CUL4B: variants seen among roughly 807,000 people sequenced by gnomAD.
The protein encoded by CUL4B is cullin 4B.
Under a neutral mutation model 69.2 loss-of-function variants are expected in CUL4B, and 1 was observed. That is an observed-to-expected ratio of 0.01 (90% CI 0.01 to 0.07). The LOEUF is 0.07. Among genes scored for constraint, CUL4B ranks in the 10% least tolerant of loss-of-function variants. The probability of loss-of-function intolerance (pLI) is 1.00; values close to 1 mark genes in which losing one functional copy is unlikely to be tolerated. For missense variants in CUL4B, 328 were observed against 638.8 expected, an observed-to-expected ratio of 0.51 and a Z score of 5.24; for synonymous variants, 237 against 223.2, an observed-to-expected ratio of 1.06 and a Z score of -0.55.
At chrX:120,533,083 T>C (rs946599584) in intron 17 of CUL4B, among the ~76,000 whole-genome samples, 4 of 112,510 alleles carry the variant, frequency 3.6e-5, no homozygotes, top group African/African-American at 9.7e-5. Flanking sequence ...CTCTTTCCAA[T>C]TGTCAGTGGT....
intron 2 of CUL4B, among the ~76,000 whole-genome samples, chrX:120,551,153 C>T (rs1244677753): frequency 9.0e-6 from 1 of 111,523 alleles, no homozygotes; most frequent in Non-Finnish European, 1.9e-5. Context: ...TACTTTTTAG[C>T]ATGGTGTTCA....
chrX:120,543,510 A>G (rs1350956644), intron 8 of CUL4B, among the ~76,000 whole-genome samples: 3 of 108,957 alleles, frequency 2.8e-5, no homozygotes, highest in Non-Finnish European at 5.7e-5. Flanking sequence ...ACACACACAC[A>G]CACACACACA....
chrX:120,538,334 A>T, intron 13 of CUL4B, 125 bp from the exon 14 acceptor site: 1 of 475,664 alleles, frequency 2.1e-6, no homozygotes, highest in South Asian at 3.5e-5. Context: ...ATAAGAATAA[A>T]AAGAAATCCT....
At chrX:120,552,329 G>T (rs1924738612) in intron 2 of CUL4B, among the ~76,000 whole-genome samples, 1 of 112,191 alleles carries the variant, frequency 8.9e-6, no homozygotes, top group African/African-American at 3.2e-5. Context: ...TGTATTTTTG[G>T]TAGAGACTGG....
At chrX:120,554,235 T>C (rs1487457259) in intron 2 of CUL4B, among the ~76,000 whole-genome samples, 2 of 112,245 alleles carry the variant, frequency 1.8e-5, no homozygotes, top group Non-Finnish European at 3.8e-5. Flanking sequence ...AACCCTACCA[T>C]ATAGGTAGCC....
At chrX:120,536,005 TA>T in intron 15 of CUL4B, 62 bp from the exon 16 acceptor site, 1 of 801,590 alleles carries the variant, frequency 1.2e-6, no homozygotes, top group East Asian at 3.2e-5. Context: ...TTACCATTTT[TA>T]TACTTACCTC....
intron 2 of CUL4B, among the ~76,000 whole-genome samples, chrX:120,553,895 C>A (rs922272629): frequency 1.2e-4 from 13 of 111,360 alleles, no homozygotes; most frequent in African/African-American, 4.2e-4. Flanking sequence ...TGTATGATAC[C>A]ACATGTGAAA....
In CUL4B at chrX:120,560,309, T is replaced by C. The variant is rs767327472; in HGVS notation, c.330A>G (p.Val110=). The change falls in exon 1 of 20, where the codon GTA becomes GTG. Residue 110 remains valine, a synonymous_variant. Coordinates refer to ENST00000371322, the MANE Select transcript of CUL4B (RefSeq NM_001079872.2). ...KLRFEDTLEF[V]GFDAKMAEES... is the part of the protein sequence containing the mutation. ...CCTCAGCCATCTTCGCATCAAACCC[T>C]ACAAACTCCAGGGTGTCTTCAAAAC... 11 of 1,211,842 alleles carry C rather than the reference T, an allele frequency of 9.1e-6. No homozygotes were observed. The highest frequency in any genetic ancestry group is 1.2e-5 in the Non-Finnish European group (11 of 895,504).
At chrX:120,544,766 T>C (rs1719886415) in intron 5 of CUL4B, 123 bp from the exon 6 acceptor site, 7 of 528,778 alleles carry the variant, frequency 1.3e-5, no homozygotes, top group Non-Finnish European at 2.2e-5. Context: ...GCAGCAATTG[T>C]CAAAAAATAA....
At chrX:120,558,495 A>G (rs1231259892) in intron 1 of CUL4B, among the ~76,000 whole-genome samples, 1 of 111,636 alleles carries the variant, frequency 9.0e-6, no homozygotes, top group Non-Finnish European at 1.9e-5. Flanking sequence ...TGAGGCTGGA[A>G]CTCATTTAGT....
chrX:120,543,052 A>AT lies in CUL4B; in HGVS notation c.1257-20_1257-19insA, dbSNP rs1924094123. ...TGACTTCCTACAAGGAAAAAAAAAA[A>AT]GGTTAGTATTATTGACGTTTGACTT... On this transcript the variant is annotated intron_variant, in intron 8 of 19. Coordinates refer to ENST00000371322, the MANE Select transcript of CUL4B (RefSeq NM_001079872.2). 1 of 1,080,212 alleles carries AT rather than the reference A, an allele frequency of 9.3e-7. No homozygotes were observed. Among genetic ancestry groups the AT allele is most frequent in the African/African-American group, 1.8e-5 (1 of 54,264 alleles). 89.0% of individuals were successfully genotyped at this position (1,080,212 alleles called of 1,213,427 possible).
At position 120,533,169 on chromosome X, in the gene CUL4B, A is replaced by G. The variant is rs138733508; in HGVS notation, c.2267-575T>C. 6.9e-3 allele frequency among the ~76,000 whole-genome samples: 775 copies of G among 111,899 alleles called. 6 individuals are homozygous for G. The highest frequency in any genetic ancestry group is 0.021 in the African/African-American group (645 of 30,788). The stretch of plus-strand genomic sequence containing the variant: ...TTCCTTCTCCTTCATCCTCAACATA[A>G]TAGCTAGCCGCTGCTTCCGCAGAGA... On this transcript the variant is annotated intron_variant, in intron 17 of 19. Coordinates refer to ENST00000371322, the MANE Select transcript of CUL4B (RefSeq NM_001079872.2).
chrX:120,574,659 TC>T, intron 1 of CUL4B: 5 of 1,023,464 alleles, frequency 4.9e-6, no homozygotes, highest in Non-Finnish European at 6.9e-6. Flanking sequence ...AATTCACTTT[TC>T]CAGCAGTCCT....
At chrX:120,551,370 T>A (rs1924677038) in intron 2 of CUL4B, among the ~76,000 whole-genome samples, 1 of 110,365 alleles carries the variant, frequency 9.1e-6, no homozygotes, top group Non-Finnish European at 1.9e-5. Flanking sequence ...GCTAGGTTTT[T>A]TTGCATTTTT....
chrX:120,560,450 G>C lies in CUL4B; in HGVS notation c.189C>G (p.Ser63=), dbSNP rs1206937049. 1 of 1,207,674 alleles carries C rather than the reference G, an allele frequency of 8.3e-7. No homozygotes were observed. The highest frequency in any genetic ancestry group is 3.0e-5 in the East Asian group (1 of 33,728). ...GTTGTAAAGGAGGAGTGGAAGAGGA[G>C]GAAGAGGTGGAATCAAAGTCTTCTC... ...NEREDFDSTS[S]SSSTPPLQPR... Residue 63 remains serine, a synonymous_variant, in exon 1 of 20, where the codon TCC becomes TCG. Coordinates refer to ENST00000371322, the MANE Select transcript of CUL4B (RefSeq NM_001079872.2).
intron 18 of CUL4B, among the ~76,000 whole-genome samples, chrX:120,530,661 T>C (rs1923256277): frequency 8.9e-6 from 1 of 112,099 alleles, no homozygotes; most frequent in South Asian, 3.7e-4. Flanking sequence ...CTCTGTCTGA[T>C]CTCTGACTCA....
chrX:120,569,442 G>A (rs1456901500), downstream of CUL4B, among the ~76,000 whole-genome samples: 1 of 106,306 alleles, frequency 9.4e-6, no homozygotes, highest in Non-Finnish European at 1.9e-5. Context: ...CTCACTGCAA[G>A]CTCCGACTCC....
rs748410967 is a variant in CUL4B, at chrX:120,538,228, C to T, written c.1853-19G>A. 3.8e-5 allele frequency: 40 copies of T among 1,055,535 alleles called. No homozygotes were observed. The highest frequency in any genetic ancestry group is 1.8e-4 in the African/African-American group (10 of 54,147). 87.0% of individuals were successfully genotyped at this position (1,055,535 alleles called of 1,213,427 possible). A position where few individuals can be genotyped will look rare whatever the true frequency, so the allele number is the denominator to read the frequency against. ...CCGCATTCTATTAAAGATGTTTGTA[C>T]ATGTATAATATTTTAAAGTGGTAAA... On this transcript the variant is annotated intron_variant, in intron 13 of 19. Transcript: ENST00000371322.
intron 15 of CUL4B, 47 bp downstream of exon 15, chrX:120,536,880 G>T: frequency 1.1e-6 from 1 of 880,365 alleles, no homozygotes; most frequent in Non-Finnish European, 1.7e-6. Flanking sequence ...AAATGGAAAT[G>T]CTATGATTTC....
Sources: allele counts gnomAD v4.1 joint callset (sites outside exome capture counted in the v4.1 genomes callset), GRCh38; gene constraint gnomAD v4.1.1; transcripts MANE v1.5; gene names NCBI Gene and HGNC (gene_info 2026-07-23, HGNC 2026-07-21).